The following MTRR variants were observed in gnomAD, a reference collection of about 807,000 sequenced individuals.
MTRR encodes 5-methyltetrahydrofolate-homocysteine methyltransferase reductase, also known as methionine synthase reductase.
MTRR carries 63 observed loss-of-function variants against 79.2 expected under a neutral mutation model. The ratio of observed to expected loss-of-function variants is 0.80; its 90% confidence interval spans 0.65 to 0.98. The LOEUF (loss-of-function observed/expected upper bound fraction) is 0.98, where lower values mean the gene tolerates loss of function less well. MTRR is among the 50% of genes least tolerant of loss of function. The probability of loss-of-function intolerance (pLI) is 0.00; values close to 1 mark genes in which losing one functional copy is unlikely to be tolerated. For synonymous variants in MTRR, 355 were observed against 313.3 expected (o/e 1.13, Z -1.41); for missense variants, 895 against 839.6 (o/e 1.07, Z -0.82).
chr5:7,894,618 G>C (rs1412262195), intron 11 of MTRR, among the ~76,000 whole-genome samples: 2 of 152,180 alleles, frequency 1.3e-5, no homozygotes, highest in African/African-American at 2.4e-5. Context: ...GTGGTCAAAG[G>C]TCTCATTGTA....
At chr5:7,856,916 T>C (rs1011614454) in intron 1 of MTRR, 3 of 152,056 alleles carry the variant, frequency 2.0e-5, no homozygotes, top group African/African-American at 7.3e-5. Flanking sequence ...CCTGTGTTGT[T>C]CAGGCAGAAC....
intron 11 of MTRR, among the ~76,000 whole-genome samples, chr5:7,893,339 A>C (rs1042662864): frequency 2.0e-5 from 3 of 152,112 alleles, no homozygotes. Context: ...ACTAAAGATT[A>C]ATTTTATATT....
exon 1 of MTRR, chr5:7,851,238 C>T: frequency 2.3e-6 from 1 of 441,718 alleles, no homozygotes; most frequent in Non-Finnish European, 3.7e-6. Context: ...CCCGGCCCCT[C>T]GACTACACCT....
intron 1 of MTRR, chr5:7,859,414 T>C (rs779605211): frequency 1.4e-6 from 2 of 1,475,044 alleles, no homozygotes; most frequent in East Asian, 4.6e-5. Flanking sequence ...TCTTCCATTG[T>C]TTGAGTTCTG....
In MTRR at chr5:7,875,352, T is replaced by C. The variant is rs577851734; in HGVS notation, c.378T>C (p.Thr126=). ...TTGGAGCCCGGCATTTCTATGACAC[T>C]GGACATGCAGATGACTGTGTAGGGT... ...QELGARHFYD[T]GHADDCVGLE... Residue 126 remains threonine, a synonymous_variant, in exon 4 of 15, where the codon ACT becomes ACC. Transcript: ENST00000440940. 2.5e-5 allele frequency: 41 copies of C among 1,612,672 alleles called. No homozygotes were observed. In the East Asian group the frequency reaches 8.2e-4, roughly 32 times the overall value.
intron 5 of MTRR, among the ~76,000 whole-genome samples, chr5:7,881,041 G>A (rs1208415359): frequency 6.6e-6 from 1 of 152,154 alleles, no homozygotes; most frequent in Non-Finnish European, 1.5e-5. Context: ...CAGTCAGTGG[G>A]TTGCAGGTCT....
At chr5:7,877,120 C>T (rs886917871) in intron 4 of MTRR, among the ~76,000 whole-genome samples, 5 of 152,126 alleles carry the variant, frequency 3.3e-5, no homozygotes, top group East Asian at 1.9e-4. Flanking sequence ...GTATTCATTT[C>T]GCTTTAGGAA....
chr5:7,885,738 G>A lies in MTRR; in HGVS notation c.941G>A (p.Ser314Asn). 1 of 1,612,970 alleles carries A rather than the reference G, an allele frequency of 6.2e-7. No individual in the cohort carries two copies. Among genetic ancestry groups the A allele is most frequent in the Non-Finnish European group, 8.5e-7 (1 of 1,179,936 alleles). Residue 314 changes from serine to asparagine, a missense_variant, in exon 7 of 15, where the codon AGC becomes AAC. Transcript: ENST00000440940. Reference sequence around the variant, plus strand: ...TCCTATCAGCCTGGAGATGCCTTCAGCGTGATCTGCCCTAACAGTGATTCT... The same window carrying A: ...TCCTATCAGCCTGGAGATGCCTTCAACGTGATCTGCCCTAACAGTGATTCT... ...DFSYQPGDAF[S>N]VICPNSDSEV...
chr5:7,867,019 T>TA, upstream of MTRR: 1 of 1,614,200 alleles, frequency 6.2e-7, no homozygotes. Context: ...CACGATGCTC[T>TA]AGGGCTTTTG....
chr5:7,881,387 G>A (rs1735568868), intron 5 of MTRR, among the ~76,000 whole-genome samples: 1 of 151,980 alleles, frequency 6.6e-6, no homozygotes, highest in Admixed American at 6.6e-5. Flanking sequence ...TGGTAGTGGG[G>A]GTACAGGCAT....
intron 2 of MTRR, chr5:7,872,265 C>T (rs896338670): frequency 2.2e-5 from 10 of 454,168 alleles, no homozygotes; most frequent in Non-Finnish European, 4.4e-5. Context: ...GAGCCAAATT[C>T]GATGGTGTTC....
chr5:7,890,171 T>A (rs560601556), intron 9 of MTRR: 17 of 784,090 alleles, frequency 2.2e-5, no homozygotes, highest in Non-Finnish European at 2.0e-5. Context: ...CTTTTTACTC[T>A]TGGGCCAGCA....
intron 2 of MTRR, among the ~76,000 whole-genome samples, chr5:7,872,039 T>G (rs1352072072): frequency 6.6e-6 from 1 of 152,202 alleles, no homozygotes; most frequent in Admixed American, 6.5e-5. Flanking sequence ...GTCATGCTAT[T>G]TATCCTCCCT....
At chr5:7,867,441 C>T, upstream of MTRR, 1 of 1,614,206 alleles carries the variant, frequency 6.2e-7, no homozygotes, top group East Asian at 2.2e-5. Flanking sequence ...AGATTGCGAA[C>T]TTCCATGCCA....
In MTRR at chr5:7,899,966, A is replaced by G. The variant is rs1739214867; in HGVS notation, c.2005A>G (p.Ser669Gly). 1.2e-6 allele frequency: 2 copies of G among 1,614,078 alleles called. No individual in the cohort carries two copies. The highest frequency in any genetic ancestry group is 1.7e-5 in the Admixed American group (1 of 60,004). ...DVHDALVQII[S>G]KEVGVEKLEA... ...ACATGATGCCCTTGTGCAAATAATA[A>G]GCAAAGAGGTTGGAGTTGAAAAACT... Residue 669 changes from serine to glycine, a missense_variant, in exon 15 of 15, where the codon AGC becomes GGC. Coordinates refer to ENST00000440940, the MANE Select transcript of MTRR (RefSeq NM_002454.3).
intron 2 of MTRR, chr5:7,862,908 T>C (rs200140125): frequency 7.4e-6 from 12 of 1,614,030 alleles, no homozygotes; most frequent in Non-Finnish European, 8.5e-7. Flanking sequence ...TCTTCACATA[T>C]CTATAAAGCT....
At chr5:7,893,464 T>C (rs1737984023) in intron 11 of MTRR, 1 of 159,198 alleles carries the variant, frequency 6.3e-6, no homozygotes, top group African/African-American at 2.4e-5. Flanking sequence ...GTAAATACTT[T>C]TACAACACCT....
chr5:7,890,006 G>T (rs1737278743), intron 9 of MTRR, among the ~76,000 whole-genome samples: 1 of 152,178 alleles, frequency 6.6e-6, no homozygotes, highest in Non-Finnish European at 1.5e-5. Context: ...GATTGAAAAT[G>T]CTTGCTAGGG....
chr5:7,855,209 G>T lies in MTRR; in HGVS notation n.391+3624G>T, dbSNP rs537987784. 2.0e-5 allele frequency among the ~76,000 whole-genome samples: 3 copies of T among 152,124 alleles called. No individual in the cohort carries two copies. The South Asian group carries it at 6.2e-4, about 32-fold the overall frequency. On this transcript the variant is annotated intron_variant and non_coding_transcript_variant, in intron 1 of 3. Transcript: ENST00000502509. ...GGATCCTGATTCAAAAACATCAACA[G>T]TTAAAAAATATTTTTGAGATAGTAC...
Sources: gnomAD v4.1 joint callset for allele counts (sites outside exome capture counted in the v4.1 genomes callset) on GRCh38, gnomAD v4.1.1 for gene constraint, MANE v1.5 for transcripts, NCBI Gene and HGNC (gene_info 2026-07-23, HGNC 2026-07-21) for gene names.